The following CPED1 variants were observed in gnomAD, a reference collection of about 807,000 sequenced individuals.
CPED1 encodes cadherin-like and PC-esterase domain-containing protein 1.
Under a neutral mutation model 128.2 loss-of-function variants are expected in CPED1, and 114 were observed. That is an observed-to-expected ratio of 0.89 (90% confidence interval 0.76 to 1.04). The LOEUF (loss-of-function observed/expected upper bound fraction) is 1.04, where lower values mean the gene tolerates loss of function less well. Ranked by LOEUF, CPED1 falls within the 50% of genes least tolerant of loss-of-function variation. The pLI, the probability that CPED1 is intolerant of heterozygous loss-of-function variation, is 0.00. For missense variants in CPED1, 1,211 were observed against 1,207.1 expected, an observed-to-expected ratio of 1.00 and a Z score of -0.05; for synonymous variants, 462 against 426.7, an observed-to-expected ratio of 1.08 and a Z score of -1.02.
intron 16 of CPED1, among the ~76,000 whole-genome samples, chr7:121,191,022 G>T (rs1003796625): frequency 2.0e-5 from 3 of 152,124 alleles, no homozygotes; most frequent in Admixed American, 1.3e-4. Flanking sequence ...TTATAGTATT[G>T]TTCCTTTAGC....
rs77265208 is a variant in CPED1 at position 121,130,344 on chromosome 7, A to G, written c.1577+50A>G. ...GTACAATCCAAAAAATCTCTAGTTTACAGATTGATTTCAAAAGGCTTTGCC... is the reference window on the plus strand; with the variant it reads ...GTACAATCCAAAAAATCTCTAGTTTGCAGATTGATTTCAAAAGGCTTTGCC... On this transcript the variant is annotated intron_variant, in intron 12 of 22. Transcript: ENST00000310396. 7,687 of 1,480,626 alleles carry G rather than the reference A, an allele frequency of 5.2e-3. 25 individuals carry two copies. Among genetic ancestry groups the G allele is most frequent in the Non-Finnish European group, 6.0e-3 (6,637 of 1,105,848 alleles). 91.7% of individuals were successfully genotyped at this position (1,480,626 alleles called of 1,614,324 possible).
intron 3 of CPED1, among the ~76,000 whole-genome samples, chr7:121,026,186 AAAAC>A (rs1265511784): frequency 3.3e-5 from 5 of 152,224 alleles, no homozygotes; most frequent in Admixed American, 6.5e-5. Flanking sequence ...AACTGTCAAA[AAAAC>A]AAACAAAAAA....
chr7:121,055,172 A>G (rs899785763), intron 4 of CPED1, among the ~76,000 whole-genome samples: 3 of 152,186 alleles, frequency 2.0e-5, no homozygotes, highest in African/African-American at 7.2e-5. Context: ...ACCTTTGCAT[A>G]GAGGTTTCTG....
At chr7:121,095,924 A>G (rs1794688176) in intron 5 of CPED1, among the ~76,000 whole-genome samples, 1 of 152,168 alleles carries the variant, frequency 6.6e-6, no homozygotes, top group South Asian at 2.1e-4. Flanking sequence ...TTCTCATACT[A>G]TACAAAAGAA....
Position 121,211,448 on chromosome 7 carries a change from A to G in CPED1, c.2056-25266A>G, listed in dbSNP as rs539118367. On this transcript the variant is annotated intron_variant, in intron 16 of 22. Coordinates refer to ENST00000310396, the MANE Select transcript of CPED1 (RefSeq NM_024913.5). ...AGATAAAGCAGAAGAGCCACATAGT[A>G]TCCGATCTGGGCAGAGTAACAACTA... Among the ~76,000 whole-genome samples, 7 of 152,234 alleles carry G rather than the reference A, an allele frequency of 4.6e-5. No individual in the cohort carries two copies. The East Asian group carries it at 1.2e-3, about 25-fold the overall frequency.
chr7:121,082,143 A>T (rs899696963), intron 5 of CPED1, among the ~76,000 whole-genome samples: 1 of 152,208 alleles, frequency 6.6e-6, no homozygotes, highest in African/African-American at 2.4e-5. Flanking sequence ...ACTTTGGGAA[A>T]AGTCCTTAGC....
chr7:121,134,348 A>T (rs1795739795), intron 13 of CPED1, among the ~76,000 whole-genome samples: 3 of 152,078 alleles, frequency 2.0e-5, no homozygotes, highest in Non-Finnish European at 4.4e-5. Context: ...AAAACCCCAT[A>T]ATCTCACTCA....
chr7:121,079,518 GTGCCATGCT>G (rs562863415), intron 5 of CPED1, among the ~76,000 whole-genome samples: 1 of 152,326 alleles, frequency 6.6e-6, no homozygotes, highest in Non-Finnish European at 1.5e-5. Context: ...TTGCCTTTCT[GTGCCATGCT>G]TGGTTCTTTG....
chr7:121,114,360 A>G (rs1795184455), intron 7 of CPED1, among the ~76,000 whole-genome samples: 1 of 152,202 alleles, frequency 6.6e-6, no homozygotes, highest in Non-Finnish European at 1.5e-5. Context: ...CAAGAGCTCA[A>G]TGCCTGAGGC....
In CPED1 at chr7:121,165,591, A is replaced by G. The variant is rs80154316; in HGVS notation, c.2055+23450A>G. 6.7e-3 allele frequency among the ~76,000 whole-genome samples: 1,018 copies of G among 152,228 alleles called. 12 individuals are homozygous for G. Among genetic ancestry groups the G allele is most frequent in the African/African-American group, 0.022 (910 of 41,538 alleles). On this transcript the variant is annotated intron_variant, in intron 16 of 22. Coordinates refer to ENST00000310396, the MANE Select transcript of CPED1 (RefSeq NM_024913.5). The stretch of plus-strand genomic sequence containing the variant: ...CCTTTTCTTAGAATTAACACCCTCT[A>G]TACTTTAATTTCCTTTCCTTTCATT...
At chr7:121,246,302 T>C (rs1562848704) in intron 18 of CPED1, among the ~76,000 whole-genome samples, 1 of 152,214 alleles carries the variant, frequency 6.6e-6, no homozygotes, top group African/African-American at 2.4e-5. Context: ...ATGAATCAAC[T>C]TTGTAAAAAG....
chr7:121,086,861 C>T (rs754902308), intron 5 of CPED1, among the ~76,000 whole-genome samples: 5 of 152,168 alleles, frequency 3.3e-5, no homozygotes, highest in Non-Finnish European at 7.3e-5. Flanking sequence ...TACCCTCTCT[C>T]CTAATGGAAA....
chr7:121,170,050 C>T (rs1233917138), intron 16 of CPED1, among the ~76,000 whole-genome samples: 1 of 152,190 alleles, frequency 6.6e-6, no homozygotes, highest in African/African-American at 2.4e-5. Context: ...ATGCATATCT[C>T]CCCTAGATTT....
At chr7:121,077,329 G>A (rs138988043) in intron 5 of CPED1, among the ~76,000 whole-genome samples, 2 of 152,168 alleles carry the variant, frequency 1.3e-5, no homozygotes, top group African/African-American at 4.8e-5. Flanking sequence ...AAAAATGACT[G>A]GACATGCATT....
chr7:121,265,695 G>A (rs570566193), intron 18 of CPED1, among the ~76,000 whole-genome samples: 51 of 152,174 alleles, frequency 3.4e-4, no homozygotes, highest in African/African-American at 1.2e-3. Context: ...ATGTGGGTAA[G>A]AGGCTTCATT....
chr7:121,115,693 T>C (rs1795220609), intron 7 of CPED1, among the ~76,000 whole-genome samples: 1 of 152,334 alleles, frequency 6.6e-6, no homozygotes, highest in Admixed American at 6.5e-5. Context: ...ATTACCGGAT[T>C]TCAATGCCAT....
At chr7:120,994,424 A>AAGC (rs1473223339) in intron 2 of CPED1, among the ~76,000 whole-genome samples, 3 of 152,246 alleles carry the variant, frequency 2.0e-5, no homozygotes, top group African/African-American at 7.2e-5. Flanking sequence ...ATAGAAATAA[A>AAGC]AGCTTCTGTG....
chr7:120,999,606 T>A (rs762754954), intron 2 of CPED1, among the ~76,000 whole-genome samples: 1 of 152,150 alleles, frequency 6.6e-6, no homozygotes, highest in Non-Finnish European at 1.5e-5. Flanking sequence ...GATTTTAAAA[T>A]CTTGCTGATG....
chr7:121,131,483 T>C (rs944631123), intron 12 of CPED1, among the ~76,000 whole-genome samples: 2 of 151,616 alleles, frequency 1.3e-5, no homozygotes, highest in Non-Finnish European at 2.9e-5. Flanking sequence ...CACAGGAAGC[T>C]GTTTCAAAGT....
Sources: allele counts gnomAD v4.1 joint callset (sites outside exome capture counted in the v4.1 genomes callset), GRCh38; gene constraint gnomAD v4.1.1; transcripts MANE v1.5; gene names NCBI Gene and HGNC (gene_info 2026-07-23, HGNC 2026-07-21).